ACSL4: variants seen among roughly 807,000 people sequenced by gnomAD.
The protein encoded by ACSL4 is long-chain-fatty-acid--CoA ligase 4.
A neutral mutation model predicts 49.1 loss-of-function variants in ACSL4; 9 were observed. The observed-to-expected ratio is 0.18, with a 90% CI of 0.11 to 0.32. The LOEUF (loss-of-function observed/expected upper bound fraction) is 0.32, where lower values mean the gene tolerates loss of function less well. ACSL4 is among the 10% of genes least tolerant of loss of function. The pLI, the probability that ACSL4 is intolerant of heterozygous loss-of-function variation, is 1.00. For missense variants in ACSL4, 333 were observed against 493.7 expected (o/e 0.67, Z 3.08); for synonymous variants, 191 against 170.3 (o/e 1.12, Z -0.95).
intron 1 of ACSL4, among the ~76,000 whole-genome samples, chrX:109,706,498 A>G (rs1926364707): frequency 8.9e-6 from 1 of 112,308 alleles, no homozygotes; most frequent in South Asian, 3.6e-4. Context: ...AGCTCTCAAT[A>G]TATCAATTGC....
rs189890601 is a variant in ACSL4, at chrX:109,702,864, T to C, written c.-65-6668A>G. Among the ~76,000 whole-genome samples, 82 of 111,074 alleles carry C rather than the reference T, an allele frequency of 7.4e-4. No individual in the cohort carries two copies. The East Asian group carries it at 0.012, about 17-fold the overall frequency. ...TAAAATAATACCCACGAGTCCATACTAATATAAATGAACAATCAAATAAGT... is the reference window on the plus strand; with the variant it reads ...TAAAATAATACCCACGAGTCCATACCAATATAAATGAACAATCAAATAAGT... On this transcript the variant is annotated intron_variant, in intron 1 of 15. Coordinates refer to ENST00000672401, the MANE Select transcript of ACSL4 (RefSeq NM_001318510.2).
rs752315866 is a variant in ACSL4 at position 109,659,667 on chromosome X, A to G, written c.1698-156T>C. 1.5e-4 allele frequency among the ~76,000 whole-genome samples: 17 copies of G among 111,896 alleles called. No homozygotes were observed. In the South Asian group the frequency reaches 6.3e-3, roughly 41 times the overall value. ...ATGATAAAACCCATAGTACCAGCAT[A>G]AAGAAGGACATATAGACCAATGGAA... On this transcript the variant is annotated intron_variant, in intron 14 of 15. Coordinates refer to ENST00000672401, the MANE Select transcript of ACSL4 (RefSeq NM_001318510.2).
rs1317853695 is a variant in ACSL4, at chrX:109,646,366, A to T, written c.1856-2180T>A. Among the ~76,000 whole-genome samples, 215 of 111,623 alleles carry T rather than the reference A, an allele frequency of 1.9e-3. 1 individual carries two copies. The highest frequency in any genetic ancestry group is 0.019 in the Middle Eastern group (4 of 216). On this transcript the variant is annotated intron_variant, in intron 15 of 15. Coordinates refer to ENST00000672401, the MANE Select transcript of ACSL4 (RefSeq NM_001318510.2). The stretch of plus-strand genomic sequence containing the variant: ...GCCAGAAGAGAGTGGGGGCCAATAT[A>T]CAACATTCTTAAAGAAAAGAATTTT...
chrX:109,646,491 A>G (rs1246701748), intron 15 of ACSL4, among the ~76,000 whole-genome samples: 1 of 109,398 alleles, frequency 9.1e-6, no homozygotes, highest in Non-Finnish European at 1.9e-5. Context: ...TGTCACCACC[A>G]GGCCTGCCCT....
chrX:109,646,773 A>C (rs1461314035), intron 15 of ACSL4, among the ~76,000 whole-genome samples: 1 of 110,645 alleles, frequency 9.0e-6, no homozygotes, highest in Non-Finnish European at 1.9e-5. Flanking sequence ...TATTCAGGAA[A>C]CCCATCTCAC....
At chrX:109,647,006 C>T (rs982654508) in intron 15 of ACSL4, among the ~76,000 whole-genome samples, 3 of 111,618 alleles carry the variant, frequency 2.7e-5, no homozygotes, top group African/African-American at 6.5e-5. Flanking sequence ...AATACAGGAG[C>T]ACCTAGATTC....
intron 11 of ACSL4, among the ~76,000 whole-genome samples, chrX:109,665,893 C>T (rs1922592775): frequency 9.0e-6 from 1 of 111,709 alleles, no homozygotes; most frequent in Non-Finnish European, 1.9e-5. Flanking sequence ...AGTAACAAAA[C>T]CTACTTCATA....
Position 109,649,213 on chromosome X carries a change from G to A in ACSL4, c.1856-5027C>T, listed in dbSNP as rs186576299. Among the ~76,000 whole-genome samples, 795 of 111,338 alleles carry A rather than the reference G, an allele frequency of 7.1e-3. 6 individuals are homozygous for A. The highest frequency in any genetic ancestry group is 0.024 in the African/African-American group (739 of 30,518). On this transcript the variant is annotated intron_variant, in intron 15 of 15. Coordinates refer to ENST00000672401, the MANE Select transcript of ACSL4 (RefSeq NM_001318510.2). Reference sequence around the variant, plus strand: ...ATGGAACCAAAAAAGAGCCAGCATCGCCAAGTCAATCCTAAGCCAAAAGAA... The same window carrying A: ...ATGGAACCAAAAAAGAGCCAGCATCACCAAGTCAATCCTAAGCCAAAAGAA...
chrX:109,722,129 T>C (rs1927608231), intron 1 of ACSL4, among the ~76,000 whole-genome samples: 1 of 111,933 alleles, frequency 8.9e-6, no homozygotes, highest in Admixed American at 9.5e-5. Flanking sequence ...TCATGGAAAA[T>C]AGTAAGTAAC....
At chrX:109,658,816 C>G (rs1921923429) in intron 15 of ACSL4, among the ~76,000 whole-genome samples, 2 of 111,855 alleles carry the variant, frequency 1.8e-5, no homozygotes, top group South Asian at 7.4e-4. Context: ...ATTGTTGTCT[C>G]TCTCATGTGC....
chrX:109,659,310 G>C (rs921638453), intron 15 of ACSL4, 44 bp downstream of exon 15: 2 of 1,148,486 alleles, frequency 1.7e-6, no homozygotes, highest in African/African-American at 3.5e-5. Context: ...GACATCATTA[G>C]ATGACTTTTA....
intron 1 of ACSL4, among the ~76,000 whole-genome samples, chrX:109,716,325 TGGAATTAA>T (rs1309914026): frequency 8.9e-6 from 1 of 112,423 alleles, no homozygotes; most frequent in Non-Finnish European, 1.9e-5. Flanking sequence ...AGTTACCCTC[TGGAATTAA>T]CCAGTTATAC....
chrX:109,705,788 C>A (rs35218038), intron 1 of ACSL4, among the ~76,000 whole-genome samples: 3 of 112,567 alleles, frequency 2.7e-5, no homozygotes, highest in Non-Finnish European at 5.6e-5. Context: ...ACCTCCACCT[C>A]CCGGGTTCAA....
At chrX:109,729,590 G>A (rs1472001181) in intron 1 of ACSL4, among the ~76,000 whole-genome samples, 2 of 111,862 alleles carry the variant, frequency 1.8e-5, no homozygotes, top group Non-Finnish European at 3.8e-5. Flanking sequence ...AGGCATTTCA[G>A]AAATTTATGT....
chrX:109,664,688 C>T (rs1239154539), intron 12 of ACSL4, among the ~76,000 whole-genome samples: 1 of 112,073 alleles, frequency 8.9e-6, no homozygotes, highest in Non-Finnish European at 1.9e-5. Flanking sequence ...GCATCCTACA[C>T]GGTAACTTGT....
intron 8 of ACSL4, among the ~76,000 whole-genome samples, chrX:109,675,907 T>A (rs921551538): frequency 8.9e-6 from 1 of 112,226 alleles, no homozygotes; most frequent in African/African-American, 3.2e-5. Flanking sequence ...CCATTACTAT[T>A]CTAGCAGATT....
At chrX:109,727,233 C>T (rs756465428) in intron 1 of ACSL4, among the ~76,000 whole-genome samples, 2 of 111,817 alleles carry the variant, frequency 1.8e-5, no homozygotes, top group East Asian at 2.8e-4. Context: ...GTGTCAACTG[C>T]TTCGTTATAA....
At chrX:109,666,985 G>A (rs1169373531) in intron 11 of ACSL4, among the ~76,000 whole-genome samples, 2 of 111,684 alleles carry the variant, frequency 1.8e-5, no homozygotes, top group Non-Finnish European at 3.8e-5. Flanking sequence ...GTGATATGGA[G>A]GGAAAGGAGA....
rs1363259105 is a variant in ACSL4 at position 109,683,291 on chromosome X, C to T, written c.73G>A (p.Asp25Asn). 4 of 1,210,255 alleles carry T rather than the reference C, an allele frequency of 3.3e-6. No individual in the cohort carries two copies. The highest frequency in any genetic ancestry group is 4.5e-6 in the Non-Finnish European group (4 of 895,348). Residue 25 changes from aspartate to asparagine, a missense_variant, in exon 3 of 16, where the codon GAC (aspartate) becomes AAC (asparagine). Physicochemically the swap from Asp to Asn is conservative, Grantham distance 23. Coordinates refer to ENST00000672401, the MANE Select transcript of ACSL4 (RefSeq NM_001318510.2). ...GGGATGTCTATTACAGCTAGTGAGT[C>T]GAAGTGTGTGACAGAGCGATATGGA... ...GSPYRSVTHFDSLAVIDIPGA... is the reference protein window; with the variant it reads ...GSPYRSVTHFNSLAVIDIPGA...
Sources: allele counts gnomAD v4.1 joint callset (sites outside exome capture counted in the v4.1 genomes callset), GRCh38; gene constraint gnomAD v4.1.1; transcripts MANE v1.5; gene names NCBI Gene and HGNC (gene_info 2026-07-23, HGNC 2026-07-21).